Variants in TXNDC5 observed in about 807,000 individuals in gnomAD.
TXNDC5 encodes thioredoxin domain containing 5.
Under a neutral mutation model 52.6 loss-of-function variants are expected in TXNDC5, and 44 were observed. The observed-to-expected ratio is 0.84, with a 90% CI of 0.66 to 1.08. The LOEUF is 1.08. TXNDC5 is among the 50% of genes least tolerant of loss of function. The pLI, the probability that TXNDC5 is intolerant of heterozygous loss-of-function variation, is 0.00. For synonymous variants in TXNDC5, 241 were observed against 234.4 expected (o/e 1.03, Z -0.26); for missense variants, 600 against 565.5 (o/e 1.06, Z -0.62).
chr6:7,906,331 T>C (rs1170968677), intron 1 of TXNDC5, among the ~76,000 whole-genome samples: 1 of 151,390 alleles, frequency 6.6e-6, no homozygotes, highest in Non-Finnish European at 1.5e-5. Flanking sequence ...AGGTCAGGAG[T>C]TCGAGACCAG....
At chr6:7,891,580 C>G (rs1242101547) in intron 5 of TXNDC5, 41 bp downstream of exon 5, 1 of 1,548,244 alleles carries the variant, frequency 6.5e-7, no homozygotes, top group African/African-American at 1.4e-5. Context: ...TAATCCAGCC[C>G]AAAGCAGTCC....
rs115885823 is a variant in TXNDC5 at position 7,902,469 on chromosome 6, G to A, written c.413+2105C>T. Among the ~76,000 whole-genome samples the A allele has an allele frequency of 6.6e-3, 1,003 of 152,240 alleles. 8 individuals are homozygous for A. Among genetic ancestry groups the A allele is most frequent in the African/African-American group, 0.023 (948 of 41,532 alleles). Reference sequence around the variant, plus strand: ...GTTACACTTGCCAGGAAAGAATAACGTGAAAGCTCATGTCCTGACACATGC... The same window carrying A: ...GTTACACTTGCCAGGAAAGAATAACATGAAAGCTCATGTCCTGACACATGC... On this transcript the variant is annotated intron_variant, in intron 2 of 9. Transcript: ENST00000379757.
chr6:7,896,826 G>C (rs35524402), intron 3 of TXNDC5, among the ~76,000 whole-genome samples: 2 of 152,178 alleles, frequency 1.3e-5, no homozygotes, highest in African/African-American at 4.8e-5. Flanking sequence ...GCAGTCCCCC[G>C]GCATGGGAAC....
intron 5 of TXNDC5, among the ~76,000 whole-genome samples, chr6:7,889,900 C>T (rs1478618925): frequency 6.6e-6 from 1 of 152,148 alleles, no homozygotes; most frequent in African/African-American, 2.4e-5. Context: ...AGTCAGGGCC[C>T]TGGCTTGACA....
intron 1 of TXNDC5, among the ~76,000 whole-genome samples, chr6:7,908,339 C>T (rs1157515460): frequency 6.7e-6 from 1 of 149,846 alleles, no homozygotes; most frequent in African/African-American, 2.5e-5. Context: ...TGGAAGCATC[C>T]AGCTAAATGT....
intron 7 of TXNDC5, among the ~76,000 whole-genome samples, chr6:7,886,580 T>C (rs912640601): frequency 6.6e-6 from 1 of 152,194 alleles, no homozygotes; most frequent in African/African-American, 2.4e-5. Context: ...CTGTTTTACA[T>C]TGAACATAAA....
chr6:7,884,273 G>A, intron 9 of TXNDC5, 86 bp downstream of exon 9: 1 of 1,551,342 alleles, frequency 6.4e-7, no homozygotes, highest in Non-Finnish European at 8.8e-7. Flanking sequence ...GATGAGAGCA[G>A]AGTGAGTTAT....
At chr6:7,896,638 A>G (rs972899613) in intron 3 of TXNDC5, among the ~76,000 whole-genome samples, 1 of 152,262 alleles carries the variant, frequency 6.6e-6, no homozygotes, top group Non-Finnish European at 1.5e-5. Flanking sequence ...AAATACCCAC[A>G]CAAAACAATG....
chr6:7,902,459 A>G (rs919873282), intron 2 of TXNDC5, among the ~76,000 whole-genome samples: 1 of 152,152 alleles, frequency 6.6e-6, no homozygotes, highest in Non-Finnish European at 1.5e-5. Flanking sequence ...ACTTGCCAGG[A>G]AAGAATAACG....
At chr6:7,888,556 G>C (rs1438228902) in intron 7 of TXNDC5, 149 bp downstream of exon 7, 2 of 1,000,416 alleles carry the variant, frequency 2.0e-6, no homozygotes, top group Non-Finnish European at 2.8e-6. Context: ...AATACGTGTT[G>C]AAAACGCAAC....
intron 7 of TXNDC5, among the ~76,000 whole-genome samples, chr6:7,886,440 T>G (rs1038337939): frequency 6.6e-6 from 1 of 152,196 alleles, no homozygotes; most frequent in African/African-American, 2.4e-5. Flanking sequence ...GCCTGGAGTC[T>G]CCAGGATACC....
rs1759735310 is a variant in TXNDC5 at position 7,881,527 on chromosome 6, AAAGAG to A, written c.*1612_*1616del. Reference sequence around the variant, plus strand: ...AAGGAAAGACCAGACTTTTAAAAAAAAAGAGTTTATTTAGAAAGTATCATAGTGTA... The same window carrying A: ...AAGGAAAGACCAGACTTTTAAAAAAATTTATTTAGAAAGTATCATAGTGTA... On this transcript the variant is annotated 3_prime_UTR_variant, in exon 10 of 10. Coordinates refer to ENST00000379757, the MANE Select transcript of TXNDC5 (RefSeq NM_030810.5). 2 of 152,278 alleles carry A rather than the reference AAAGAG, an allele frequency of 1.3e-5. No individual in the cohort carries two copies. Among genetic ancestry groups the A allele is most frequent in the Non-Finnish European group, 2.9e-5 (2 of 67,970 alleles). 9.4% of individuals were successfully genotyped at this position (152,278 alleles called of 1,614,324 possible).
In TXNDC5 at chr6:7,884,402, TC is replaced by T. The variant is rs779172889; in HGVS notation, c.1132del (p.Glu378LysfsTer2). 20 of 1,613,962 alleles carry T rather than the reference TC, an allele frequency of 1.2e-5. No individual in the cohort carries two copies. In the African/African-American group the frequency reaches 2.4e-4, roughly 19 times the overall value. ...FPGLAGVKIA[E>X]VDCTAERNIC... Reference sequence around the variant, plus strand: ...ATTCCGTTCAGCAGTGCAGTCTACTTCGGCGATCTTGACCCCCGCCAGACCA... The same window carrying T: ...ATTCCGTTCAGCAGTGCAGTCTACTTGGCGATCTTGACCCCCGCCAGACCA... On this transcript the variant is annotated frameshift_variant, in exon 9 of 10. Coordinates refer to ENST00000379757, the MANE Select transcript of TXNDC5 (RefSeq NM_030810.5). LOFTEE classifies it low-confidence loss of function (END_TRUNC).
chr6:7,887,592 T>A (rs1760036242), intron 7 of TXNDC5, among the ~76,000 whole-genome samples: 2 of 152,136 alleles, frequency 1.3e-5, no homozygotes, highest in Admixed American at 1.3e-4. Flanking sequence ...GAACGCATCA[T>A]CTTTAAAGGC....
chr6:7,899,873 C>G (rs1256424034), intron 2 of TXNDC5, 192 bp from the exon 3 acceptor site: 4 of 449,924 alleles, frequency 8.9e-6, no homozygotes, highest in Non-Finnish European at 1.6e-5. Context: ...CCTAAACTTT[C>G]AGAAGTTTCT....
chr6:7,893,211 G>C (rs1284570551), intron 4 of TXNDC5, among the ~76,000 whole-genome samples: 2 of 152,262 alleles, frequency 1.3e-5, no homozygotes, highest in Non-Finnish European at 2.9e-5. Context: ...GCCGGGGAGA[G>C]AACTAACCAG....
chr6:7,903,267 C>T (rs967169944), intron 2 of TXNDC5, among the ~76,000 whole-genome samples: 4 of 141,472 alleles, frequency 2.8e-5, no homozygotes, highest in African/African-American at 8.3e-5. Context: ...ATAGTTAATG[C>T]TTTTACGTAG....
intron 7 of TXNDC5, among the ~76,000 whole-genome samples, chr6:7,887,853 G>A (rs937882224): frequency 2.6e-5 from 4 of 152,144 alleles, no homozygotes; most frequent in East Asian, 1.9e-4. Flanking sequence ...GCTGATTCTC[G>A]GGTTGTGCCT....
intron 2 of TXNDC5, among the ~76,000 whole-genome samples, chr6:7,903,814 G>A (rs1049028196): frequency 6.6e-6 from 1 of 152,168 alleles, no homozygotes; most frequent in African/African-American, 2.4e-5. Flanking sequence ...TCCAACACTT[G>A]GCACATGGTG....
Sources: allele counts gnomAD v4.1 joint callset (sites outside exome capture counted in the v4.1 genomes callset), GRCh38; gene constraint gnomAD v4.1.1; transcripts MANE v1.5; gene names NCBI Gene and HGNC (gene_info 2026-07-23, HGNC 2026-07-21).